Variants in DNAAF9 observed in about 807,000 individuals in gnomAD.
DNAAF9 encodes the protein shulin.
In DNAAF9, 90 loss-of-function variants were observed where a neutral mutation model predicts 167.0. That is an observed-to-expected ratio of 0.54 (90% confidence interval 0.45 to 0.64). The LOEUF (loss-of-function observed/expected upper bound fraction) is 0.64. Among genes scored for constraint, DNAAF9 ranks in the 30% least tolerant of loss-of-function variants. The pLI is 0.00. For synonymous variants in DNAAF9, 491 were observed against 508.8 expected, an observed-to-expected ratio of 0.96 and a Z score of 0.47; for missense variants, 1,315 against 1,442.2, an observed-to-expected ratio of 0.91 and a Z score of 1.43.
chr20:3,253,064 C>T (rs2068220455), intron 36 of DNAAF9, among the ~76,000 whole-genome samples: 3 of 152,242 alleles, frequency 2.0e-5, no homozygotes, highest in African/African-American at 4.8e-5. Flanking sequence ...TGGCTCATGC[C>T]TGCCATACTA....
intron 14 of DNAAF9, among the ~76,000 whole-genome samples, chr20:3,324,217 T>C (rs1245426138): frequency 6.6e-6 from 1 of 152,190 alleles, no homozygotes; most frequent in African/African-American, 2.4e-5. Context: ...CACAGGACTA[T>C]AGATTTAAGA....
chr20:3,404,315 C>T lies in DNAAF9; in HGVS notation c.83+3160G>A, dbSNP rs752568062. On this transcript the variant is annotated intron_variant, in intron 1 of 36. Coordinates refer to ENST00000252032, the MANE Select transcript of DNAAF9 (RefSeq NM_001009984.3). ...CCTCTCAAAGTGCTGGGATTACAGGCGTGAGCCACCGTGCCCAGCCTGATT... is the reference window on the plus strand; with the variant it reads ...CCTCTCAAAGTGCTGGGATTACAGGTGTGAGCCACCGTGCCCAGCCTGATT... 9.1e-4 allele frequency among the ~76,000 whole-genome samples: 139 copies of T among 152,130 alleles called. 1 individual carries two copies. Among genetic ancestry groups the T allele is most frequent in the Non-Finnish European group, 3.8e-4 (26 of 68,028 alleles).
intron 23 of DNAAF9, chr20:3,296,414 AT>A: frequency 3.1e-6 from 1 of 321,164 alleles, no homozygotes; most frequent in South Asian, 2.8e-5. Context: ...GTCTTGTTTC[AT>A]CACTCAGGCT....
rs1288167062 is a variant in DNAAF9, at chr20:3,364,018, C to T, written c.613-4425G>A. The stretch of plus-strand genomic sequence containing the variant: ...GGTCTTGCTATGTTCCCCAGGCTGG[C>T]CTTGAACTCTTGGGTGCAAGTGATC... On this transcript the variant is annotated intron_variant, in intron 6 of 36. Transcript: ENST00000252032. Among the ~76,000 whole-genome samples, 3 of 152,052 alleles carry T rather than the reference C, an allele frequency of 2.0e-5. No homozygotes were observed. In the East Asian group the frequency reaches 5.8e-4, roughly 29 times the overall value.
intron 10 of DNAAF9, 40 bp downstream of exon 10, chr20:3,340,464 T>C: frequency 5.7e-6 from 2 of 350,506 alleles, no homozygotes; most frequent in Non-Finnish European, 4.9e-6. Context: ...CACAACTTGA[T>C]AATAAAACTA....
chr20:3,319,082 C>CAAAAAAAAAA (rs71195834), intron 16 of DNAAF9, among the ~76,000 whole-genome samples: 15 of 71,130 alleles, frequency 2.1e-4, no homozygotes, highest in East Asian at 5.1e-4. Flanking sequence ...GACTCTGTCT[C>CAAAAAAAAAA]AAAAAAAAAA....
At position 3,307,017 on chromosome 20, in the gene DNAAF9, G is replaced by T. The variant is rs895219789; in HGVS notation, c.1679-2474C>A. The T allele has an allele frequency of 1.9e-5, 19 of 985,252 alleles. No homozygotes were observed. In the African/African-American group the frequency reaches 3.1e-4, roughly 16 times the overall value. 61.0% of individuals were successfully genotyped at this position (985,252 alleles called of 1,614,324 possible). On this transcript the variant is annotated intron_variant, in intron 20 of 36. Coordinates refer to ENST00000252032, the MANE Select transcript of DNAAF9 (RefSeq NM_001009984.3). ...TGTACTTTTGAAGTGAACCTTTTTA[G>T]AAACAAGTCCAGTGCCACTTGAAAG... is the stretch of plus-strand genomic sequence containing the variant.
At chr20:3,331,975 C>T (rs2069838158) in intron 11 of DNAAF9, among the ~76,000 whole-genome samples, 1 of 152,200 alleles carries the variant, frequency 6.6e-6, no homozygotes, top group South Asian at 2.1e-4. Flanking sequence ...TTCCTGGTCC[C>T]TACCTCCTGC....
intron 1 of DNAAF9, among the ~76,000 whole-genome samples, chr20:3,400,495 T>A (rs953173219): frequency 6.6e-6 from 1 of 152,082 alleles, no homozygotes; most frequent in African/African-American, 2.4e-5. Context: ...TAGAAATTCA[T>A]CTATAAATTT....
At chr20:3,275,438 T>G (rs971323591) in intron 29 of DNAAF9, among the ~76,000 whole-genome samples, 6 of 152,184 alleles carry the variant, frequency 3.9e-5, no homozygotes, top group Admixed American at 1.3e-4. Context: ...AAGAAAAGGC[T>G]GGGATCTGGG....
chr20:3,339,651 G>A (rs1600816273), intron 10 of DNAAF9, among the ~76,000 whole-genome samples: 1 of 152,132 alleles, frequency 6.6e-6, no homozygotes. Context: ...ATGATTTTAC[G>A]GTTAAATCTC....
chr20:3,255,291 A>T lies in DNAAF9; in HGVS notation c.3262-7T>A, dbSNP rs2068258500. 6.5e-7 allele frequency: 1 copy of T among 1,545,220 alleles called. No homozygotes were observed. Among genetic ancestry groups the T allele is most frequent in the East Asian group, 2.4e-5 (1 of 40,858 alleles). On this transcript the variant is annotated splice_region_variant and splice_polypyrimidine_tract_variant and intron_variant, in intron 34 of 36. Coordinates refer to ENST00000252032, the MANE Select transcript of DNAAF9 (RefSeq NM_001009984.3). ...GGGCTTTCCTCTGAGGCTTCTGCAG[A>T]GATGGGGAGTGGAGGGTCAGGTCCC...
chr20:3,369,364 T>C (rs1442300941), intron 6 of DNAAF9, among the ~76,000 whole-genome samples: 2 of 151,864 alleles, frequency 1.3e-5, no homozygotes, highest in East Asian at 1.9e-4. Context: ...ATCAGTCTTC[T>C]AACATTTAAA....
chr20:3,357,667 T>C (rs939851929), intron 7 of DNAAF9, among the ~76,000 whole-genome samples: 2 of 152,116 alleles, frequency 1.3e-5, no homozygotes, highest in African/African-American at 4.8e-5. Context: ...TGTATTGTTA[T>C]TTATATCTTT....
At chr20:3,296,185 C>T (rs1568586285) in intron 23 of DNAAF9, 1 of 564,528 alleles carries the variant, frequency 1.8e-6, no homozygotes, top group Non-Finnish European at 3.5e-6. Flanking sequence ...GGGAGGATAA[C>T]CTGAGCCTAG....
At chr20:3,285,905 G>T (rs1469048708) in intron 27 of DNAAF9, among the ~76,000 whole-genome samples, 2 of 148,904 alleles carry the variant, frequency 1.3e-5, no homozygotes, top group Non-Finnish European at 3.0e-5. Context: ...GCTTGAACTC[G>T]GGAGGTGGAG....
chr20:3,264,632 C>T, intron 30 of DNAAF9, 108 bp from the exon 31 acceptor site: 1 of 676,970 alleles, frequency 1.5e-6, no homozygotes, highest in Non-Finnish European at 2.7e-6. Context: ...TGCAGTGGTG[C>T]AATCTTGGCT....
At chr20:3,283,551 G>GT (rs2068798340) in intron 27 of DNAAF9, among the ~76,000 whole-genome samples, 1 of 152,232 alleles carries the variant, frequency 6.6e-6, no homozygotes, top group Admixed American at 6.5e-5. Flanking sequence ...TTTCCACTGA[G>GT]TGCCTGGCTG....
intron 1 of DNAAF9, among the ~76,000 whole-genome samples, chr20:3,390,614 C>T (rs1298040355): frequency 6.6e-6 from 1 of 152,176 alleles, no homozygotes; most frequent in Admixed American, 6.5e-5. Context: ...ATTTGCCCGC[C>T]TTGGCCTCCC....
Sources: gnomAD v4.1 joint callset for allele counts (sites outside exome capture counted in the v4.1 genomes callset) on GRCh38, gnomAD v4.1.1 for gene constraint, MANE v1.5 for transcripts, NCBI Gene and HGNC (gene_info 2026-07-23, HGNC 2026-07-21) for gene names.